The following PKD2L1 variants were observed in gnomAD, a reference collection of about 807,000 sequenced individuals.
PKD2L1 encodes the protein polycystin-2-like protein 1.
A neutral mutation model predicts 93.0 loss-of-function variants in PKD2L1; 77 were observed. That is an observed-to-expected ratio of 0.83 (90% CI 0.69 to 1.00). The LOEUF (loss-of-function observed/expected upper bound fraction) is 1.00, where lower values mean the gene tolerates loss of function less well. Among genes scored for constraint, PKD2L1 ranks in the 50% least tolerant of loss-of-function variants. The pLI is 0.00. For missense variants in PKD2L1, 977 were observed against 990.9 expected (o/e 0.99, Z 0.19); for synonymous variants, 390 against 388.0 (o/e 1.01, Z -0.06).
chr10:100,294,732 C>T (rs969647296), intron 8 of PKD2L1, 77 bp from the exon 9 acceptor site: 1 of 1,582,384 alleles, frequency 6.3e-7, no homozygotes, highest in Non-Finnish European at 8.7e-7. Context: ...CAGAGAGACC[C>T]CTCACCACAC....
intron 2 of PKD2L1, among the ~76,000 whole-genome samples, chr10:100,301,703 T>C (rs1848681829): frequency 1.3e-5 from 2 of 152,192 alleles, no homozygotes; most frequent in African/African-American, 4.8e-5. Context: ...GAACAATTTG[T>C]GCAGTTAACG....
chr10:100,308,544 A>G (rs944313685), intron 2 of PKD2L1, among the ~76,000 whole-genome samples: 6 of 152,136 alleles, frequency 3.9e-5, no homozygotes, highest in African/African-American at 1.4e-4. Context: ...CATGTTGACC[A>G]GGCTAGTCTC....
chr10:100,307,366 G>T (rs1230828684), intron 2 of PKD2L1, among the ~76,000 whole-genome samples: 1 of 152,184 alleles, frequency 6.6e-6, no homozygotes, highest in Non-Finnish European at 1.5e-5. Context: ...TATCCCAAGA[G>T]ATACATGTTA....
chr10:100,299,666 A>G lies in PKD2L1; in HGVS notation c.402T>C (p.Ser134=), dbSNP rs781759915. Residue 134 remains serine, a synonymous_variant, in exon 3 of 16, where the codon TCT becomes TCC. Transcript: ENST00000318222. Reference sequence around the variant, plus strand: ...CTGATGGAGTATGTAAGAAGAGCTCAGACATCACTTTGGTGTAGTAATAAG... The same window carrying G: ...CTGATGGAGTATGTAAGAAGAGCTCGGACATCACTTTGGTGTAGTAATAAG... ...SSAYYYTKVM[S]ELFLHTPSDT... The G allele has an allele frequency of 1.2e-6, 2 of 1,612,958 alleles. No individual in the cohort carries two copies. The highest frequency in any genetic ancestry group is 2.7e-5 in the African/African-American group (2 of 74,910).
intron 2 of PKD2L1, among the ~76,000 whole-genome samples, chr10:100,319,346 T>C (rs968314336): frequency 6.6e-6 from 1 of 152,242 alleles, no homozygotes; most frequent in Non-Finnish European, 1.5e-5. Context: ...TTGCCAAAGA[T>C]GCGTGGCTAA....
intron 2 of PKD2L1, among the ~76,000 whole-genome samples, chr10:100,304,418 C>T (rs1357203892): frequency 2.0e-5 from 3 of 152,192 alleles, no homozygotes; most frequent in Admixed American, 2.0e-4. Flanking sequence ...ATTTTATATT[C>T]ATTAAACAAA....
Position 100,291,433 on chromosome 10 carries a change from A to T in PKD2L1, c.1881-6T>A, listed in dbSNP as rs773177628. On this transcript the variant is annotated splice_region_variant and splice_polypyrimidine_tract_variant and intron_variant, in intron 11 of 15. Transcript: ENST00000318222. ...CATGCTCTGCGTGTCCCAGTCTGAG[A>T]AGAGGATGATGAAATGATTTCTGCC... The T allele has an allele frequency of 6.2e-7, 1 of 1,613,844 alleles. No individual in the cohort carries two copies. The highest frequency in any genetic ancestry group is 8.5e-7 in the Non-Finnish European group (1 of 1,179,852).
intron 2 of PKD2L1, among the ~76,000 whole-genome samples, chr10:100,319,034 T>C (rs1054571728): frequency 6.6e-6 from 1 of 151,870 alleles, no homozygotes; most frequent in Non-Finnish European, 1.5e-5. Context: ...TTAGTAGAGA[T>C]GGGGTTTCAC....
At chr10:100,314,991 GAAGGAAGGAAGGAAGGAAGGA>G (rs1849050045) in intron 2 of PKD2L1, among the ~76,000 whole-genome samples, 3 of 12,608 alleles carry the variant, frequency 2.4e-4, no homozygotes, top group South Asian at 3.9e-3. Flanking sequence ...AGGAAGGAAG[GAAGGAAGGAAGGAAGGAAGGA>G]AGGGAAGGGA....
intron 6 of PKD2L1, among the ~76,000 whole-genome samples, 157 bp downstream of exon 6, chr10:100,296,823 A>T (rs1238595516): frequency 6.6e-6 from 1 of 151,588 alleles, no homozygotes; most frequent in Admixed American, 6.6e-5. Flanking sequence ...GAGAGAGGGG[A>T]ACATGTCCCT....
At chr10:100,321,019 A>T (rs1275601271) in intron 2 of PKD2L1, among the ~76,000 whole-genome samples, 2 of 152,258 alleles carry the variant, frequency 1.3e-5, no homozygotes, top group Non-Finnish European at 1.5e-5. Context: ...GAAATGTTTT[A>T]GTTAATTGCA....
At chr10:100,299,858 A>G in intron 2 of PKD2L1, 140 bp from the exon 3 acceptor site, 1 of 697,094 alleles carries the variant, frequency 1.4e-6, no homozygotes, top group Admixed American at 2.4e-5. Context: ...CTTGGTTAGG[A>G]GCCTAATGGT....
chr10:100,329,089 A>G, intron 2 of PKD2L1, 122 bp downstream of exon 2: 2 of 827,262 alleles, frequency 2.4e-6, no homozygotes, highest in East Asian at 2.6e-5. Context: ...GTTCCCGGAT[A>G]TAGCCTGCTT....
intron 2 of PKD2L1, among the ~76,000 whole-genome samples, chr10:100,307,375 T>C (rs1056877005): frequency 3.3e-5 from 5 of 152,188 alleles, no homozygotes; most frequent in Non-Finnish European, 5.9e-5. Context: ...AGATACATGT[T>C]ACAGAGGGTG....
At chr10:100,294,406 A>G in intron 9 of PKD2L1, 129 bp downstream of exon 9, 1 of 964,282 alleles carries the variant, frequency 1.0e-6, no homozygotes, top group Non-Finnish European at 1.6e-6. Context: ...GAAGATCCAG[A>G]CATCGGCCCC....
chr10:100,289,903 G>A, intron 14 of PKD2L1, 112 bp downstream of exon 14: 1 of 1,206,204 alleles, frequency 8.3e-7, no homozygotes, highest in Non-Finnish European at 1.2e-6. Flanking sequence ...TGTTTCCCCA[G>A]GAGCCTGAAA....
chr10:100,301,541 AC>A (rs372834394), intron 2 of PKD2L1, among the ~76,000 whole-genome samples: 1 of 150,544 alleles, frequency 6.6e-6, no homozygotes, highest in African/African-American at 2.4e-5. Flanking sequence ...TATTTATCTT[AC>A]CCGTTTTCAG....
intron 2 of PKD2L1, among the ~76,000 whole-genome samples, chr10:100,303,076 G>A (rs1266172598): frequency 6.6e-6 from 1 of 152,098 alleles, no homozygotes; most frequent in African/African-American, 2.4e-5. Context: ...GAAAGGAGAA[G>A]CAAGCATGGT....
intron 2 of PKD2L1, among the ~76,000 whole-genome samples, chr10:100,303,005 CGT>C (rs1848718353): frequency 6.6e-6 from 1 of 151,808 alleles, no homozygotes; most frequent in South Asian, 2.1e-4. Context: ...CTTGTGTGTG[CGT>C]GTGTGTTTGT....
Sources: allele counts gnomAD v4.1 joint callset (sites outside exome capture counted in the v4.1 genomes callset), GRCh38; gene constraint gnomAD v4.1.1; transcripts MANE v1.5; gene names NCBI Gene and HGNC (gene_info 2026-07-23, HGNC 2026-07-21).